ROBO1: variants seen among roughly 807,000 people sequenced by gnomAD.
The protein encoded by ROBO1 is roundabout homolog 1.
In ROBO1, 149 loss-of-function variants were observed where a neutral mutation model predicts 195.9. That is an observed-to-expected ratio of 0.76 (90% CI 0.67 to 0.87). The LOEUF (loss-of-function observed/expected upper bound fraction) is 0.87, where lower values mean the gene tolerates loss of function less well. Ranked by LOEUF, ROBO1 falls within the 40% of genes least tolerant of loss-of-function variation. The pLI, the probability that ROBO1 is intolerant of heterozygous loss-of-function variation, is 0.00. For synonymous variants in ROBO1, 816 were observed against 733.2 expected, an observed-to-expected ratio of 1.11 and a Z score of -1.82; for missense variants, 1,933 against 2,068.3, an observed-to-expected ratio of 0.93 and a Z score of 1.27.
At chr3:78,947,484 A>G (rs967203658) in intron 3 of ROBO1, among the ~76,000 whole-genome samples, 1 of 152,212 alleles carries the variant, frequency 6.6e-6, no homozygotes, top group Non-Finnish European at 1.5e-5. Context: ...ATGAGAACAA[A>G]GTCACAACAT....
chr3:78,720,411 T>G (rs1004307323), intron 5 of ROBO1, among the ~76,000 whole-genome samples: 3 of 152,150 alleles, frequency 2.0e-5, no homozygotes, highest in African/African-American at 7.2e-5. Flanking sequence ...CTCACACCAG[T>G]TAGAATGGCG....
rs1490724212 is a variant in ROBO1 at position 78,681,123 on chromosome 3, A to T, written c.1342+4623T>A. Among the ~76,000 whole-genome samples the T allele has an allele frequency of 6.0e-5, 9 of 151,192 alleles. No individual in the cohort carries two copies. In the South Asian group the frequency reaches 6.3e-4, roughly 11 times the overall value. On this transcript the variant is annotated intron_variant, in intron 10 of 30. Transcript: ENST00000464233. The stretch of plus-strand genomic sequence containing the variant: ...CCGCATGTTCTCACTCACAGGTGGG[A>T]ATTGAACAATGAGAACACATGGACA...
intron 3 of ROBO1, among the ~76,000 whole-genome samples, chr3:79,024,963 G>A (rs1448054197): frequency 6.6e-6 from 1 of 152,108 alleles, no homozygotes; most frequent in African/African-American, 2.4e-5. Context: ...CCTCTCCTCT[G>A]CTCAAAACCC....
At chr3:79,520,972 T>C (rs752059269) in intron 2 of ROBO1, among the ~76,000 whole-genome samples, 4 of 152,186 alleles carry the variant, frequency 2.6e-5, no homozygotes, top group Non-Finnish European at 5.9e-5. Flanking sequence ...AGTGAAATTA[T>C]CTAGACCACA....
chr3:78,996,327 CAAAAAAAAAAAACA>C (rs1193822454), intron 3 of ROBO1, among the ~76,000 whole-genome samples: 13 of 11,194 alleles, frequency 1.2e-3, no homozygotes, highest in African/African-American at 2.2e-3. Context: ...ATTAAAAAAA[CAAAAAAAAAAAACA>C]AAAAAAAAAA....
intron 2 of ROBO1, among the ~76,000 whole-genome samples, chr3:79,366,452 C>A (rs1240649287): frequency 2.0e-5 from 3 of 152,140 alleles, no homozygotes; most frequent in African/African-American, 7.2e-5. Context: ...CTCTTTCTGA[C>A]TTTGACATTC....
intron 2 of ROBO1, among the ~76,000 whole-genome samples, chr3:79,561,124 C>A (rs955904187): frequency 6.6e-6 from 1 of 152,168 alleles, no homozygotes; most frequent in African/African-American, 2.4e-5. Flanking sequence ...GACCTTCTTT[C>A]CATCCATTCC....
At chr3:79,245,064 T>C (rs1018031691) in intron 2 of ROBO1, among the ~76,000 whole-genome samples, 1 of 152,110 alleles carries the variant, frequency 6.6e-6, no homozygotes, top group African/African-American at 2.4e-5. Flanking sequence ...AAATGTTTGA[T>C]ATTCAAGACA....
chr3:78,798,705 C>T (rs1184755319), intron 4 of ROBO1, among the ~76,000 whole-genome samples: 1 of 152,160 alleles, frequency 6.6e-6, no homozygotes, highest in Admixed American at 6.5e-5. Flanking sequence ...TATAGGAACA[C>T]AGACATGTCA....
chr3:79,699,280 G>C (rs1947540694), intron 1 of ROBO1, among the ~76,000 whole-genome samples: 1 of 151,250 alleles, frequency 6.6e-6, no homozygotes, highest in Non-Finnish European at 1.5e-5. Context: ...GAATTTTTCT[G>C]AGATTCCATG....
At chr3:78,705,148 G>C (rs993332436) in intron 8 of ROBO1, among the ~76,000 whole-genome samples, 1 of 152,110 alleles carries the variant, frequency 6.6e-6, no homozygotes, top group South Asian at 2.1e-4. Context: ...AACATAGCAG[G>C]GAGGGATAGT....
intron 4 of ROBO1, among the ~76,000 whole-genome samples, chr3:78,842,720 G>T (rs547764294): frequency 1.3e-5 from 2 of 150,176 alleles, no homozygotes; most frequent in South Asian, 2.1e-4. Flanking sequence ...CTTTTGGTTA[G>T]TTTTTTTTTA....
At chr3:79,035,185 A>T (rs895040766) in intron 3 of ROBO1, among the ~76,000 whole-genome samples, 2 of 152,190 alleles carry the variant, frequency 1.3e-5, no homozygotes, top group East Asian at 3.9e-4. Flanking sequence ...AATGAGTATT[A>T]TAATAATAAT....
At chr3:78,686,536 CAG>C (rs1414285773) in intron 9 of ROBO1, among the ~76,000 whole-genome samples, 2 of 136,112 alleles carry the variant, frequency 1.5e-5, no homozygotes, top group Admixed American at 1.6e-4. Flanking sequence ...GCCTGGGTGA[CAG>C]AGCGAGACTT....
At chr3:78,617,586 T>C (rs770971358) in intron 27 of ROBO1, 49 bp downstream of exon 27, 5 of 1,539,160 alleles carry the variant, frequency 3.2e-6, no homozygotes, top group African/African-American at 2.7e-5. Flanking sequence ...AACAAACATA[T>C]ATACATTGAG....
At chr3:79,233,610 C>A (rs900217588) in intron 2 of ROBO1, among the ~76,000 whole-genome samples, 4 of 152,040 alleles carry the variant, frequency 2.6e-5, no homozygotes, top group African/African-American at 7.2e-5. Context: ...CAGGCTACAT[C>A]CATTGAACTC....
At chr3:78,969,392 T>C (rs191688733) in intron 3 of ROBO1, among the ~76,000 whole-genome samples, 228 of 152,284 alleles carry the variant, frequency 1.5e-3, no homozygotes, top group African/African-American at 5.4e-3. Flanking sequence ...CATTTCCTTT[T>C]CCTAGTAACT....
At chr3:78,846,097 C>T (rs1037185557) in intron 4 of ROBO1, among the ~76,000 whole-genome samples, 2 of 151,954 alleles carry the variant, frequency 1.3e-5, no homozygotes, top group African/African-American at 4.8e-5. Flanking sequence ...CCACTAAACA[C>T]TAGGGAGATG....
intron 14 of ROBO1, among the ~76,000 whole-genome samples, chr3:78,664,366 T>G (rs753476106): frequency 1.3e-5 from 2 of 152,160 alleles, no homozygotes; most frequent in Non-Finnish European, 2.9e-5. Flanking sequence ...ATGATATGTA[T>G]CTGTATAGAT....
Sources: allele counts gnomAD v4.1 joint callset (sites outside exome capture counted in the v4.1 genomes callset), GRCh38; gene constraint gnomAD v4.1.1; transcripts MANE v1.5; gene names NCBI Gene and HGNC (gene_info 2026-07-23, HGNC 2026-07-21).